PTER: variants seen among roughly 807,000 people sequenced by gnomAD.
PTER encodes the protein phosphotriesterase related, also known as N-acetyltaurine hydrolase.
A neutral mutation model predicts 29.6 loss-of-function variants in PTER; 38 were observed. That is an observed-to-expected ratio of 1.28 (90% CI 0.99 to 1.68). The LOEUF is 1.68. Among genes scored for constraint, PTER ranks in the 40% most tolerant of loss-of-function variants. The pLI, the probability that PTER is intolerant of heterozygous loss-of-function variation, is 0.00. For missense variants in PTER, 482 were observed against 427.8 expected (o/e 1.13, Z -1.12); for synonymous variants, 172 against 154.5 (o/e 1.11, Z -0.84).
chr10:16,463,186 C>T (rs944788468), intron 1 of PTER, among the ~76,000 whole-genome samples: 7 of 126,586 alleles, frequency 5.5e-5, no homozygotes, highest in South Asian at 2.6e-4. Flanking sequence ...GGCGACAGAG[C>T]GAGACTCTGT....
At chr10:16,462,574 T>A (rs1834655414) in intron 1 of PTER, among the ~76,000 whole-genome samples, 1 of 149,832 alleles carries the variant, frequency 6.7e-6, no homozygotes, top group Non-Finnish European at 1.5e-5. Context: ...AATCTACTTT[T>A]TTTTTTTTTT....
intron 3 of PTER, among the ~76,000 whole-genome samples, chr10:16,494,104 C>CA (rs1836003536): frequency 6.6e-6 from 1 of 152,222 alleles, no homozygotes; most frequent in South Asian, 2.1e-4. Context: ...TCAATACCGT[C>CA]ATTCCCTGAA....
chr10:16,484,532 G>C lies in PTER; in HGVS notation c.148G>C (p.Glu50Gln), dbSNP rs1430465466. ...PPPCQEAISK[E>Q]PIVMKNLYWI... ...CCCGTGCCAGGAAGCTATTTCCAAA[G>C]AACCTATCGTGATGAAAAATTTATA... The change falls in exon 2 of 5, where the codon GAA becomes CAA. Residue 50 changes from glutamate to glutamine, a missense_variant. Coordinates refer to ENST00000535784, the MANE Select transcript of PTER (RefSeq NM_001261836.2). 14 of 1,613,902 alleles carry C rather than the reference G, an allele frequency of 8.7e-6. No individual in the cohort carries two copies. Among genetic ancestry groups the C allele is most frequent in the Non-Finnish European group, 1.2e-5 (14 of 1,180,020 alleles).
At chr10:16,452,258 T>C (rs1447819460) in intron 1 of PTER, among the ~76,000 whole-genome samples, 1 of 150,454 alleles carries the variant, frequency 6.6e-6, no homozygotes, top group Non-Finnish European at 1.5e-5. Flanking sequence ...ATCACAGTTT[T>C]TGAAAGCACT....
intron 3 of PTER, among the ~76,000 whole-genome samples, chr10:16,495,969 A>G (rs1427539779): frequency 3.9e-5 from 6 of 152,200 alleles, no homozygotes; most frequent in African/African-American, 1.2e-4. Flanking sequence ...CAGTTGCCCA[A>G]GCAAGACAGG....
intron 3 of PTER, among the ~76,000 whole-genome samples, chr10:16,492,852 G>A (rs1435701949): frequency 6.6e-6 from 1 of 152,196 alleles, no homozygotes; most frequent in Non-Finnish European, 1.5e-5. Flanking sequence ...TGACCTAAGG[G>A]TTTCTGAAAG....
At chr10:16,478,485 C>T (rs993181287) in intron 1 of PTER, among the ~76,000 whole-genome samples, 3 of 151,992 alleles carry the variant, frequency 2.0e-5, no homozygotes, top group Non-Finnish European at 4.4e-5. Context: ...AGGTGCCTGC[C>T]ACCACAGCTG....
intron 1 of PTER, among the ~76,000 whole-genome samples, chr10:16,454,839 T>C (rs936093275): frequency 2.6e-5 from 4 of 151,976 alleles, no homozygotes; most frequent in African/African-American, 7.2e-5. Context: ...TAATAAGTAC[T>C]ATATAGTAAT....
At chr10:16,463,867 T>G (rs1392771337) in intron 1 of PTER, among the ~76,000 whole-genome samples, 2 of 152,154 alleles carry the variant, frequency 1.3e-5, no homozygotes, top group East Asian at 3.9e-4. Flanking sequence ...GATTCTGCCT[T>G]TAGTGAAAGT....
chr10:16,486,503 G>C lies in PTER; in HGVS notation c.584G>C (p.Gly195Ala). 1 of 1,613,982 alleles carries C rather than the reference G, an allele frequency of 6.2e-7. No individual in the cohort carries two copies. Among genetic ancestry groups the C allele is most frequent in the Non-Finnish European group, 8.5e-7 (1 of 1,179,960 alleles). The change falls in exon 3 of 5, where the codon GGT (glycine) becomes GCT (alanine). Residue 195 changes from glycine (G) to alanine (A), a missense_variant. Coordinates refer to ENST00000535784, the MANE Select transcript of PTER (RefSeq NM_001261836.2). ...ACAGCTCATGCCCAGGCTCAGCTTG[G>C]TTGTCCTGTTATTATCCATCCTGGA... ...QATAHAQAQL[G>A]CPVIIHPGRS...
At position 16,486,442 on chromosome 10, in the gene PTER, C is replaced by A. The variant is rs773936705; in HGVS notation, c.523C>A (p.Pro175Thr). 57 of 1,614,058 alleles carry A rather than the reference C, an allele frequency of 3.5e-5. No individual in the cohort carries two copies. The highest frequency in any genetic ancestry group is 4.7e-5 in the Non-Finnish European group (55 of 1,179,986). ...GIIGEIGCSWPLTESERKVLQ... is the reference protein window; with the variant it reads ...GIIGEIGCSWTLTESERKVLQ... ...TATTGGAGAAATTGGTTGCTCCTGG[C>A]CTTTGACTGAGAGTGAAAGAAAGGT... Residue 175 changes from proline (P) to threonine (T), a missense_variant, in exon 3 of 5, where the codon CCT becomes ACT. By Grantham distance (38) the Pro-to-Thr change is conservative (BLOSUM62 -1). Coordinates refer to ENST00000535784, the MANE Select transcript of PTER (RefSeq NM_001261836.2).
intron 1 of PTER, among the ~76,000 whole-genome samples, chr10:16,478,221 A>G (rs966203055): frequency 2.0e-5 from 3 of 152,186 alleles, no homozygotes; most frequent in African/African-American, 7.2e-5. Flanking sequence ...TGTCTTGACA[A>G]TAATATTGCA....
chr10:16,485,570 A>C (rs1459519073), intron 2 of PTER, among the ~76,000 whole-genome samples: 2 of 152,108 alleles, frequency 1.3e-5, no homozygotes, highest in Non-Finnish European at 2.9e-5. Context: ...TACTCTCTGG[A>C]GTATTTTGTA....
chr10:16,486,258 T>G (rs1188533019), intron 2 of PTER, 94 bp from the exon 3 acceptor site: 1 of 1,315,778 alleles, frequency 7.6e-7, no homozygotes, highest in African/African-American at 1.5e-5. Flanking sequence ...AAAGAATGAA[T>G]GACAAAATAA....
chr10:16,517,958 T>C (rs935409039), downstream of PTER, among the ~76,000 whole-genome samples: 2 of 152,202 alleles, frequency 1.3e-5, no homozygotes, highest in African/African-American at 4.8e-5. Context: ...TCTCATATGG[T>C]TACAGTCCAG....
At chr10:16,462,940 C>T (rs982412933) in intron 1 of PTER, among the ~76,000 whole-genome samples, 3 of 151,576 alleles carry the variant, frequency 2.0e-5, no homozygotes, top group Non-Finnish European at 4.4e-5. Flanking sequence ...ACGCCTGTAA[C>T]CCCAGCACTT....
intron 3 of PTER, among the ~76,000 whole-genome samples, chr10:16,504,452 A>G (rs146255740): frequency 3.8e-4 from 58 of 152,320 alleles, no homozygotes; most frequent in African/African-American, 1.4e-3. Flanking sequence ...CTGTATGAGT[A>G]TTGTGCCTTC....
intron 4 of PTER, among the ~76,000 whole-genome samples, chr10:16,508,075 T>TA (rs1228338264): frequency 6.8e-6 from 1 of 147,946 alleles, no homozygotes; most frequent in Non-Finnish European, 1.5e-5. Flanking sequence ...TTTTTCTTTT[T>TA]TTTTTTTTTT....
intron 3 of PTER, among the ~76,000 whole-genome samples, chr10:16,496,766 G>T (rs936184105): frequency 2.0e-5 from 3 of 152,104 alleles, no homozygotes; most frequent in Non-Finnish European, 4.4e-5. Flanking sequence ...GCTCATGGCT[G>T]ATTGCAAGTA....
Sources: gnomAD v4.1 joint callset for allele counts (sites outside exome capture counted in the v4.1 genomes callset) on GRCh38, gnomAD v4.1.1 for gene constraint, MANE v1.5 for transcripts, NCBI Gene and HGNC (gene_info 2026-07-23, HGNC 2026-07-21) for gene names.